The following HPSE2 variants were observed in gnomAD, a reference collection of about 807,000 sequenced individuals.
HPSE2 encodes the protein inactive heparanase-2.
HPSE2 carries 38 observed loss-of-function variants against 60.5 expected under a neutral mutation model. The ratio of observed to expected loss-of-function variants is 0.63; its 90% CI spans 0.48 to 0.82. The LOEUF (loss-of-function observed/expected upper bound fraction) is 0.82, where lower values mean the gene tolerates loss of function less well. Among genes scored for constraint, HPSE2 ranks in the 40% least tolerant of loss-of-function variants. The pLI, the probability that HPSE2 is intolerant of heterozygous loss-of-function variation, is 0.00. For synonymous variants in HPSE2, 295 were observed against 293.2 expected (o/e 1.01, Z -0.06); for missense variants, 713 against 740.4 (o/e 0.96, Z 0.43).
At chr10:99,013,244 G>T in intron 3 of HPSE2, 1 of 649,450 alleles carries the variant, frequency 1.5e-6, no homozygotes, top group Non-Finnish European at 2.9e-6. Context: ...CTACAGTTAT[G>T]CATTTTTTAA....
intron 6 of HPSE2, among the ~76,000 whole-genome samples, chr10:98,690,442 G>A (rs1948048128): frequency 6.6e-6 from 1 of 152,196 alleles, no homozygotes. Context: ...TCGGGAGGCT[G>A]AGGCAGGAGA....
At chr10:98,676,674 A>G (rs776191029) in intron 6 of HPSE2, among the ~76,000 whole-genome samples, 4 of 152,192 alleles carry the variant, frequency 2.6e-5, no homozygotes, top group Non-Finnish European at 5.9e-5. Context: ...AACACTGTTC[A>G]CTGACTAGGG....
rs187606658 is a variant in HPSE2 at position 99,100,359 on chromosome 10, A to G, written c.610+43879T>C. Among the ~76,000 whole-genome samples, 3 of 152,352 alleles carry G rather than the reference A, an allele frequency of 2.0e-5. No homozygotes were observed. The East Asian group carries it at 5.8e-4, about 29-fold the overall frequency. ...ACATGACAAATACATAAGCTTCAGT[A>G]CCCAACTCGATCAACTGGAAGAAAG... On this transcript the variant is annotated intron_variant, in intron 3 of 11. Coordinates refer to ENST00000370552, the MANE Select transcript of HPSE2 (RefSeq NM_021828.5).
intron 9 of HPSE2, among the ~76,000 whole-genome samples, chr10:98,504,101 A>C (rs913013885): frequency 6.6e-6 from 1 of 152,142 alleles, no homozygotes; most frequent in Non-Finnish European, 1.5e-5. Flanking sequence ...TTGAATTCGT[A>C]TTTCTTTCTA....
At chr10:99,202,520 C>T (rs547695438) in intron 2 of HPSE2, among the ~76,000 whole-genome samples, 2 of 152,300 alleles carry the variant, frequency 1.3e-5, no homozygotes, top group South Asian at 2.1e-4. Context: ...CCCTGCTGAA[C>T]TTCAGTTTCC....
At chr10:98,822,962 A>G (rs12357682) in intron 3 of HPSE2, among the ~76,000 whole-genome samples, 32,367 of 152,134 alleles carry the variant, frequency 0.21, 3,638 homozygotes, top group African/African-American at 0.26. Context: ...AAATTATCCA[A>G]GTGAGCCTGA....
At chr10:99,147,109 A>T (rs1225952174) in intron 2 of HPSE2, among the ~76,000 whole-genome samples, 1 of 152,194 alleles carries the variant, frequency 6.6e-6, no homozygotes, top group Non-Finnish European at 1.5e-5. Context: ...TATTGCCTCT[A>T]TCTTAAATAC....
At chr10:99,315,943 G>A in the HPSE2 span, among the ~76,000 whole-genome samples, 20 of 152,054 alleles carry the variant, frequency 1.3e-4, no homozygotes, top group Non-Finnish European at 2.6e-4. Flanking sequence ...CTTCTCAGCC[G>A]CCACCTGCTG....
At chr10:98,654,517 C>T (rs531196091) in intron 6 of HPSE2, among the ~76,000 whole-genome samples, 112 of 152,312 alleles carry the variant, frequency 7.4e-4, no homozygotes, top group African/African-American at 2.5e-3. Flanking sequence ...ACTGATGAGC[C>T]TACTAAAGGC....
rs1343527443 is a variant in HPSE2 at position 98,695,124 on chromosome 10, AG to A, written c.957-1178del. Among the ~76,000 whole-genome samples, 6 of 151,886 alleles carry A rather than the reference AG, an allele frequency of 4.0e-5. No homozygotes were observed. The East Asian group carries it at 8.1e-4, about 20-fold the overall frequency. ...GCAGAAGAGAATTGAGTTTCTCTGG[AG>A]GAGTACATAAGAGAAACATAGGGCT... is the stretch of plus-strand genomic sequence containing the variant. On this transcript the variant is annotated intron_variant, in intron 5 of 11. Transcript: ENST00000370552.
Position 98,548,542 on chromosome 10 carries a change from G to A in HPSE2, c.1321-58346C>T, listed in dbSNP as rs180689610. ...TGAGGCAGGAGAATCACTTGAACCT[G>A]GGAGAGAGAGGTTGTAGTGAGTGGA... is the stretch of plus-strand genomic sequence containing the variant. On this transcript the variant is annotated intron_variant, in intron 9 of 11. Transcript: ENST00000370552. Among the ~76,000 whole-genome samples the A allele has an allele frequency of 5.3e-5, 8 of 152,074 alleles. 1 individual carries two copies. Among genetic ancestry groups the A allele is most frequent in the African/African-American group, 1.2e-4 (5 of 41,486 alleles).
At chr10:98,790,547 A>G (rs934174081) in intron 3 of HPSE2, among the ~76,000 whole-genome samples, 1 of 152,198 alleles carries the variant, frequency 6.6e-6, no homozygotes. Context: ...CTCAGAGCAG[A>G]GGATTAAGTT....
intron 3 of HPSE2, among the ~76,000 whole-genome samples, chr10:99,070,756 G>A (rs1400467776): frequency 6.6e-6 from 1 of 152,206 alleles, no homozygotes; most frequent in East Asian, 1.9e-4. Context: ...GAATAATACA[G>A]TATTCGTCTT....
intron 3 of HPSE2, among the ~76,000 whole-genome samples, chr10:98,940,548 C>G (rs1954961284): frequency 1.4e-5 from 2 of 143,322 alleles, no homozygotes; most frequent in African/African-American, 5.7e-5. Flanking sequence ...AGTTGAATCT[C>G]TGAATAGACC....
chr10:98,660,591 A>G (rs1490381126), intron 6 of HPSE2, among the ~76,000 whole-genome samples: 1 of 152,240 alleles, frequency 6.6e-6, no homozygotes, highest in Non-Finnish European at 1.5e-5. Flanking sequence ...AAGGGAGCCC[A>G]TTTGAACAGG....
At chr10:99,230,935 G>T (rs755465696) in intron 2 of HPSE2, among the ~76,000 whole-genome samples, 34 of 152,180 alleles carry the variant, frequency 2.2e-4, no homozygotes, top group Admixed American at 9.2e-4. Context: ...TACCATAGGA[G>T]GTGCTGTTAA....
At chr10:99,102,733 A>G (rs1844061008) in intron 3 of HPSE2, among the ~76,000 whole-genome samples, 1 of 152,226 alleles carries the variant, frequency 6.6e-6, no homozygotes, top group South Asian at 2.1e-4. Context: ...AAAATCCTCA[A>G]TAAAATACTG....
rs200524498 is a variant in HPSE2 at position 98,757,772 on chromosome 10, A to T, written c.611-13716T>A. ...TTAAAATGGCCATACTGCCCAAAGC[A>T]ATTTACAGATCCAGTGCTATTCCTA... On this transcript the variant is annotated intron_variant, in intron 3 of 11. Transcript: ENST00000370552. Among the ~76,000 whole-genome samples, 14 of 152,310 alleles carry T rather than the reference A, an allele frequency of 9.2e-5. No individual in the cohort carries two copies. The East Asian group carries it at 2.7e-3, about 29-fold the overall frequency.
At chr10:98,998,477 A>G (rs1956699461) in intron 3 of HPSE2, among the ~76,000 whole-genome samples, 1 of 152,196 alleles carries the variant, frequency 6.6e-6, no homozygotes, top group African/African-American at 2.4e-5. Context: ...TCTGCCTAAG[A>G]AGGCTTCTTG....
Sources: gnomAD v4.1 joint callset for allele counts (sites outside exome capture counted in the v4.1 genomes callset) on GRCh38, gnomAD v4.1.1 for gene constraint, MANE v1.5 for transcripts, NCBI Gene and HGNC (gene_info 2026-07-23, HGNC 2026-07-21) for gene names.